The following SHANK2 variants were observed in gnomAD, a reference collection of about 807,000 sequenced individuals.
SHANK2 encodes the protein SH3 and multiple ankyrin repeat domains protein 2.
A neutral mutation model predicts 133.7 loss-of-function variants in SHANK2; 43 were observed. The ratio of observed to expected loss-of-function variants is 0.32; its 90% CI spans 0.25 to 0.41. SHANK2 has a LOEUF of 0.41. Among genes scored for constraint, SHANK2 ranks in the 10% least tolerant of loss-of-function variants. The probability of loss-of-function intolerance (pLI) is 1.00; values close to 1 mark genes in which losing one functional copy is unlikely to be tolerated. For synonymous variants in SHANK2, 1,017 were observed against 952.8 expected, an observed-to-expected ratio of 1.07 and a Z score of -1.24; for missense variants, 1,994 against 2,235.8, an observed-to-expected ratio of 0.89 and a Z score of 2.18.
At chr11:70,651,738 A>G (rs1555010181) in intron 17 of SHANK2, among the ~76,000 whole-genome samples, 1 of 152,224 alleles carries the variant, frequency 6.6e-6, no homozygotes, top group African/African-American at 2.4e-5. Flanking sequence ...GAATGCAATG[A>G]AATATTGGCC....
chr11:71,094,536 C>A lies in SHANK2; in HGVS notation c.744+1G>T. ...CCCAAGTAAGATGGGCCCGAGTTTA[C>A]CTTCAGGGCAACTTGGTTCCTCGCT... On this transcript the variant is annotated splice_donor_variant, in intron 7 of 25. Coordinates refer to ENST00000601538, the MANE Select transcript of SHANK2 (RefSeq NM_012309.5). LOFTEE classifies it high-confidence loss of function. 6.5e-7 allele frequency: 1 copy of A among 1,549,394 alleles called. No individual in the cohort carries two copies. The highest frequency in any genetic ancestry group is 8.7e-7 in the Non-Finnish European group (1 of 1,145,330).
intron 14 of SHANK2, among the ~76,000 whole-genome samples, chr11:70,792,560 C>G (rs1326633763): frequency 1.3e-5 from 2 of 152,254 alleles, no homozygotes; most frequent in African/African-American, 4.8e-5. Flanking sequence ...GTTATTCATT[C>G]TGTGAGTCAC....
intron 17 of SHANK2, among the ~76,000 whole-genome samples, chr11:70,592,221 C>T (rs781850089): frequency 6.6e-6 from 1 of 152,110 alleles, no homozygotes; most frequent in Non-Finnish European, 1.5e-5. Flanking sequence ...CGTCTTCCCT[C>T]TGCACGCAGG....
intron 11 of SHANK2, among the ~76,000 whole-genome samples, chr11:70,839,577 C>T (rs547681958): frequency 6.6e-6 from 1 of 152,308 alleles, no homozygotes; most frequent in African/African-American, 2.4e-5. Context: ...TTCCTTATAC[C>T]CCATCAGGAA....
chr11:71,182,958 C>A (rs1458387008), intron 2 of SHANK2, among the ~76,000 whole-genome samples: 1 of 152,172 alleles, frequency 6.6e-6, no homozygotes, highest in Non-Finnish European at 1.5e-5. Flanking sequence ...GCACGAAAAC[C>A]CTGAGGCTCT....
chr11:70,852,940 C>T (rs187800492), intron 11 of SHANK2, among the ~76,000 whole-genome samples: 16 of 152,348 alleles, frequency 1.1e-4, no homozygotes, highest in African/African-American at 3.8e-4. Flanking sequence ...TGAGTCTCCA[C>T]ATCACTGTCA....
chr11:70,544,527 G>A (rs509560), intron 17 of SHANK2, among the ~76,000 whole-genome samples: 2 of 152,176 alleles, frequency 1.3e-5, no homozygotes, highest in African/African-American at 4.8e-5. Context: ...GTTCACCAGG[G>A]CCCAAATCCC....
chr11:70,518,780 C>G (rs972266714), intron 17 of SHANK2, among the ~76,000 whole-genome samples: 38 of 152,202 alleles, frequency 2.5e-4, no homozygotes, highest in African/African-American at 9.2e-4. Context: ...TCCCACTCCC[C>G]GTCAGCTTGC....
At chr11:70,835,053 G>C (rs1447655395) in intron 11 of SHANK2, among the ~76,000 whole-genome samples, 1 of 152,118 alleles carries the variant, frequency 6.6e-6, no homozygotes, top group Non-Finnish European at 1.5e-5. Context: ...GAGAGGTGAG[G>C]GGTTCCCAAG....
intron 8 of SHANK2, among the ~76,000 whole-genome samples, chr11:71,075,885 G>A (rs1254235662): frequency 6.6e-6 from 1 of 152,230 alleles, no homozygotes. Context: ...TGCAACATGT[G>A]TGACTTGTGA....
In SHANK2 at chr11:71,243,170, G is replaced by A. The variant is rs567264259; in HGVS notation, c.-113+9255C>T. On this transcript the variant is annotated intron_variant, in intron 1 of 25. Transcript: ENST00000601538. ...CCTTGTGAGAGTCAGAAAAAGAACG[G>A]GAAACTGAAACTGAGCTAGCAGAAG... Among the ~76,000 whole-genome samples the A allele has an allele frequency of 2.6e-5, 4 of 152,204 alleles. No homozygotes were observed. The South Asian group carries it at 8.3e-4, about 32-fold the overall frequency.
intron 2 of SHANK2, among the ~76,000 whole-genome samples, chr11:71,166,345 C>A (rs1024782867): frequency 1.3e-5 from 2 of 152,108 alleles, no homozygotes. Flanking sequence ...TAAGGACAAG[C>A]CAAGAAATTA....
At chr11:71,092,622 G>A in intron 7 of SHANK2, 33 bp from the exon 8 acceptor site, 2 of 1,547,154 alleles carry the variant, frequency 1.3e-6, no homozygotes, top group Non-Finnish European at 1.7e-6. Flanking sequence ...CGTCGTTATT[G>A]GTCTCATGAC....
chr11:70,491,576 A>C (rs1452935002), intron 22 of SHANK2, among the ~76,000 whole-genome samples: 1 of 152,268 alleles, frequency 6.6e-6, no homozygotes, highest in Non-Finnish European at 1.5e-5. Context: ...TGTTCAAGAA[A>C]AAGCTAGACA....
intron 17 of SHANK2, among the ~76,000 whole-genome samples, chr11:70,532,926 G>A (rs1239456957): frequency 6.6e-6 from 1 of 152,178 alleles, no homozygotes; most frequent in Non-Finnish European, 1.5e-5. Context: ...TCACAGAAAG[G>A]AATGAAATGC....
At chr11:71,250,872 G>A (rs1555125733) in intron 1 of SHANK2, among the ~76,000 whole-genome samples, 1 of 152,134 alleles carries the variant, frequency 6.6e-6, no homozygotes, top group Non-Finnish European at 1.5e-5. Flanking sequence ...CCCCCACCGG[G>A]GGACTTCCGA....
At chr11:70,714,969 C>CT (rs559854814) in intron 14 of SHANK2, among the ~76,000 whole-genome samples, 2,107 of 142,730 alleles carry the variant, frequency 0.015, 23 homozygotes, top group South Asian at 0.026. Flanking sequence ...CCACACTTGG[C>CT]TTTTTTTTTT....
At chr11:70,906,737 G>A (rs924744) in intron 10 of SHANK2, among the ~76,000 whole-genome samples, 99,244 of 152,004 alleles carry the variant, frequency 0.65, 36,080 homozygotes, top group Non-Finnish European at 0.79. Context: ...AGACCCCAGG[G>A]CCTGGTAAGA....
intron 1 of SHANK2, among the ~76,000 whole-genome samples, chr11:71,234,709 C>A (rs1339999731): frequency 6.6e-6 from 1 of 152,134 alleles, no homozygotes; most frequent in Non-Finnish European, 1.5e-5. Context: ...CCACTGCCCG[C>A]ATTCGAGCTA....
Sources: gnomAD v4.1 joint callset for allele counts (sites outside exome capture counted in the v4.1 genomes callset) on GRCh38, gnomAD v4.1.1 for gene constraint, MANE v1.5 for transcripts, NCBI Gene and HGNC (gene_info 2026-07-23, HGNC 2026-07-21) for gene names.